CFAP90: variants seen among roughly 807,000 people sequenced by gnomAD.
The protein encoded by CFAP90 is cilia and flagella associated protein 90.
the CFAP90 span, among the ~76,000 whole-genome samples, chr5:7,839,643 A>G: frequency 6.6e-6 from 1 of 152,232 alleles, no homozygotes; most frequent in Non-Finnish European, 1.5e-5. Flanking sequence ...CTGAAACACT[A>G]TAAAAGTAAC....
chr5:7,850,911 G>A, the CFAP90 span: 4 of 1,361,664 alleles, frequency 2.9e-6, no homozygotes, highest in Non-Finnish European at 3.8e-6. Context: ...GCTCTTTGGG[G>A]TCCAGGCGCC....
the CFAP90 span, among the ~76,000 whole-genome samples, chr5:7,841,783 T>C: frequency 3.9e-5 from 6 of 151,914 alleles, no homozygotes; most frequent in Middle Eastern, 3.4e-3. Context: ...GATAAAAACA[T>C]AGGGACACAT....
At chr5:7,833,481 CACAT>C in the CFAP90 span, among the ~76,000 whole-genome samples, 3 of 147,200 alleles carry the variant, frequency 2.0e-5, no homozygotes, top group Admixed American at 6.7e-5. Context: ...CACATATACA[CACAT>C]ATATAATAGA....
the CFAP90 span, among the ~76,000 whole-genome samples, chr5:7,844,279 G>C: frequency 2.0e-5 from 3 of 152,214 alleles, no homozygotes; most frequent in Non-Finnish European, 4.4e-5. Flanking sequence ...GACGATACCA[G>C]AGGAGGAGAA....
the CFAP90 span, among the ~76,000 whole-genome samples, chr5:7,850,285 C>T: frequency 3.9e-5 from 6 of 151,922 alleles, no homozygotes; most frequent in African/African-American, 1.5e-4. Flanking sequence ...TCCGCACGCT[C>T]CCACCCGGCC....
the CFAP90 span, among the ~76,000 whole-genome samples, chr5:7,844,882 G>A: frequency 1.3e-5 from 2 of 152,178 alleles, no homozygotes; most frequent in East Asian, 1.9e-4. Context: ...AGCACTGTCT[G>A]CATACTGTCA....
At chr5:7,833,425 T>C in the CFAP90 span, among the ~76,000 whole-genome samples, 3 of 151,928 alleles carry the variant, frequency 2.0e-5, no homozygotes, top group Non-Finnish European at 4.4e-5. Context: ...CATGCATCTA[T>C]ACACATATTT....
chr5:7,849,785 C>A, the CFAP90 span, among the ~76,000 whole-genome samples: 1 of 151,268 alleles, frequency 6.6e-6, no homozygotes, highest in African/African-American at 2.4e-5. Flanking sequence ...AGGCGGCTCG[C>A]CAGCTATTCC....
chr5:7,835,635 C>T, the CFAP90 span: 1 of 588,248 alleles, frequency 1.7e-6, no homozygotes, highest in Non-Finnish European at 3.0e-6. Flanking sequence ...GAAAGTTCAC[C>T]TCACCAAGCA....
the CFAP90 span, chr5:7,831,706 C>T: frequency 2.7e-6 from 2 of 745,260 alleles, no homozygotes; most frequent in Non-Finnish European, 4.3e-6. Context: ...GTTCATGTGT[C>T]CCACTGTAGA....
the CFAP90 span, among the ~76,000 whole-genome samples, chr5:7,833,111 C>T: frequency 6.6e-6 from 1 of 152,094 alleles, no homozygotes; most frequent in Non-Finnish European, 1.5e-5. Flanking sequence ...TTCTAAAGAA[C>T]CAAACAACAA....
chr5:7,832,739 C>T, the CFAP90 span, among the ~76,000 whole-genome samples: 3 of 152,114 alleles, frequency 2.0e-5, no homozygotes, highest in African/African-American at 7.2e-5. Flanking sequence ...CCACCCACCT[C>T]GGCCTCCCAA....
the CFAP90 span, chr5:7,850,775 C>A: frequency 1.7e-6 from 2 of 1,171,448 alleles, no homozygotes; most frequent in African/African-American, 3.3e-5. Flanking sequence ...CCTCCGCGGC[C>A]GCCCGCCCCT....
the CFAP90 span, chr5:7,850,984 A>G: frequency 7.7e-7 from 1 of 1,299,764 alleles, no homozygotes; most frequent in Non-Finnish European, 9.8e-7. Context: ...CTTGCCCCGC[A>G]GCGTGGACGC....
At chr5:7,834,823 G>A in the CFAP90 span, among the ~76,000 whole-genome samples, 1 of 152,090 alleles carries the variant, frequency 6.6e-6, no homozygotes, top group East Asian at 1.9e-4. Context: ...TGTGGAGTAA[G>A]CTATGTCATC....
the CFAP90 span, among the ~76,000 whole-genome samples, chr5:7,841,613 G>A: frequency 3.9e-5 from 6 of 152,072 alleles, no homozygotes; most frequent in Admixed American, 6.6e-5. Context: ...AAGAAAATGT[G>A]GTACATATAC....
At chr5:7,843,356 C>T in the CFAP90 span, among the ~76,000 whole-genome samples, 1 of 152,152 alleles carries the variant, frequency 6.6e-6, no homozygotes, top group Non-Finnish European at 1.5e-5. Context: ...CAACTATTCT[C>T]TTTGGGTTTT....
chr5:7,840,216 C>T, the CFAP90 span, among the ~76,000 whole-genome samples: 3 of 152,164 alleles, frequency 2.0e-5, no homozygotes, highest in African/African-American at 7.2e-5. Flanking sequence ...TGTAGCATGG[C>T]CTTAGCCTGG....
chr5:7,832,552 G>C, the CFAP90 span, among the ~76,000 whole-genome samples: 1 of 152,098 alleles, frequency 6.6e-6, no homozygotes, highest in Non-Finnish European at 1.5e-5. Context: ...GCCCAGGCTG[G>C]AGTGCAATGG....
Sources: gnomAD v4.1 joint callset for allele counts (sites outside exome capture counted in the v4.1 genomes callset) on GRCh38, gnomAD v4.1.1 for gene constraint, MANE v1.5 for transcripts, NCBI Gene and HGNC (gene_info 2026-07-23, HGNC 2026-07-21) for gene names.